The following EPHB1 variants were observed in gnomAD, a reference collection of about 807,000 sequenced individuals.
EPHB1 encodes EPH receptor B1.
In EPHB1, 30 loss-of-function variants were observed where a neutral mutation model predicts 94.4. The observed-to-expected ratio is 0.32, with a 90% CI of 0.24 to 0.43. EPHB1 has a LOEUF of 0.43. EPHB1 is among the 20% of genes least tolerant of loss of function. The pLI, the probability that EPHB1 is intolerant of heterozygous loss-of-function variation, is 1.00. For missense variants in EPHB1, 1,055 were observed against 1,308.3 expected (o/e 0.81, Z 2.99); for synonymous variants, 522 against 489.1 (o/e 1.07, Z -0.89).
At chr3:134,885,561 C>G (rs187086814) in intron 1 of EPHB1, among the ~76,000 whole-genome samples, 1 of 152,320 alleles carries the variant, frequency 6.6e-6, no homozygotes, top group Admixed American at 6.5e-5. Context: ...AGGCAACAGT[C>G]AGATAGTTTT....
At chr3:134,882,477 A>T (rs1019622932) in intron 1 of EPHB1, among the ~76,000 whole-genome samples, 5 of 152,216 alleles carry the variant, frequency 3.3e-5, no homozygotes, top group Non-Finnish European at 7.3e-5. Context: ...CATTGTATAT[A>T]AAAAAGAAAA....
Position 134,925,857 on chromosome 3 carries a change from T to A in EPHB1, c.100T>A (p.Trp34Arg). The part of the protein sequence containing the change: ...DTRTATAELG[W>R]TANPASGWEE... Reference sequence around the variant, plus strand: ...CAGAACGGCTACTGCAGAGCTGGGCTGGACGGCCAATCCTGCGTCCGGGGT... The same window carrying A: ...CAGAACGGCTACTGCAGAGCTGGGCAGGACGGCCAATCCTGCGTCCGGGGT... The change falls in exon 2 of 16, where the codon TGG becomes AGG. Residue 34 changes from tryptophan to arginine, a missense_variant. Coordinates refer to ENST00000398015, the MANE Select transcript of EPHB1 (RefSeq NM_004441.5). 6.2e-7 allele frequency: 1 copy of A among 1,605,744 alleles called. No homozygotes were observed. Among genetic ancestry groups the A allele is most frequent in the Non-Finnish European group, 8.5e-7 (1 of 1,175,922 alleles).
chr3:134,872,876 G>A (rs1279642457), intron 1 of EPHB1, among the ~76,000 whole-genome samples: 7 of 152,196 alleles, frequency 4.6e-5, no homozygotes, highest in Non-Finnish European at 7.3e-5. Context: ...CTAGTACGGA[G>A]CCTGGCATCC....
intron 3 of EPHB1, among the ~76,000 whole-genome samples, chr3:135,063,814 T>C (rs1444120812): frequency 6.6e-6 from 1 of 152,168 alleles, no homozygotes; most frequent in Non-Finnish European, 1.5e-5. Flanking sequence ...CACTATTATG[T>C]TGGCTGTGGG....
At chr3:135,215,584 G>A (rs1036859034) in intron 12 of EPHB1, among the ~76,000 whole-genome samples, 1 of 152,198 alleles carries the variant, frequency 6.6e-6, no homozygotes, top group Admixed American at 6.5e-5. Context: ...GCTGATATTC[G>A]CGAAGGAAAA....
At chr3:134,810,901 T>C (rs1303865319) in intron 1 of EPHB1, among the ~76,000 whole-genome samples, 1 of 152,194 alleles carries the variant, frequency 6.6e-6, no homozygotes, top group African/African-American at 2.4e-5. Flanking sequence ...GTACTGGTTC[T>C]CAGGGGTCCT....
chr3:134,807,494 AGTGTGT>A (rs151336394), intron 1 of EPHB1, among the ~76,000 whole-genome samples: 15,471 of 138,650 alleles, frequency 0.11, 971 homozygotes, highest in Middle Eastern at 0.19. Context: ...TTGGGGAAGG[AGTGTGT>A]GTGTGTGTGT....
rs1424213544 is a variant in EPHB1 at position 135,076,260 on chromosome 3, T to TATATATATATATATATATATAA, written c.806-30187_806-30186insTATATATATATATATATATAAA. Among the ~76,000 whole-genome samples, 304 of 104,208 alleles carry TATATATATATATATATATATAA rather than the reference T, an allele frequency of 2.9e-3. 11 individuals carry two copies. Among genetic ancestry groups the TATATATATATATATATATATAA allele is most frequent in the African/African-American group, 0.01 (281 of 27,526 alleles). The allele number at this position is 104,208 out of a possible 152,430, so 68.4% of individuals were successfully genotyped here. ...ATATATATATATATATATATATATATAACTCTTAAATGCATTAGTAAAAAG... is the reference window on the plus strand; with the variant it reads ...ATATATATATATATATATATATATATATATATATATATATATATATAAAACTCTTAAATGCATTAGTAAAAAG... On this transcript the variant is annotated intron_variant, in intron 3 of 15. Transcript: ENST00000398015.
At chr3:135,020,992 A>G (rs1935969120) in intron 3 of EPHB1, among the ~76,000 whole-genome samples, 1 of 152,098 alleles carries the variant, frequency 6.6e-6, no homozygotes, top group Admixed American at 6.6e-5. Flanking sequence ...TTAAGTTCTT[A>G]AATGTACTTG....
At chr3:135,181,471 T>C (rs1179322770) in intron 10 of EPHB1, among the ~76,000 whole-genome samples, 2 of 152,226 alleles carry the variant, frequency 1.3e-5, no homozygotes, top group African/African-American at 4.8e-5. Flanking sequence ...ATTGGATAAC[T>C]CTTAAGGGCT....
chr3:134,806,139 T>A (rs2036038486), intron 1 of EPHB1, among the ~76,000 whole-genome samples: 1 of 152,254 alleles, frequency 6.6e-6, no homozygotes, highest in African/African-American at 2.4e-5. Context: ...ACAAATATTT[T>A]ATACTCTTCC....
chr3:134,911,985 T>A (rs1041523536), intron 1 of EPHB1, among the ~76,000 whole-genome samples: 4 of 152,116 alleles, frequency 2.6e-5, no homozygotes, highest in Non-Finnish European at 4.4e-5. Context: ...GTGCCACAGA[T>A]CAATCAGGAC....
At chr3:134,819,668 C>T (rs925329050) in intron 1 of EPHB1, among the ~76,000 whole-genome samples, 2 of 152,190 alleles carry the variant, frequency 1.3e-5, no homozygotes, top group African/African-American at 2.4e-5. Flanking sequence ...AGTCCCTACC[C>T]TGCACATCCC....
intron 3 of EPHB1, among the ~76,000 whole-genome samples, chr3:135,034,895 G>A (rs992970470): frequency 6.6e-6 from 1 of 152,230 alleles, no homozygotes; most frequent in African/African-American, 2.4e-5. Flanking sequence ...TGAATAGGAT[G>A]CACAGCCAGA....
chr3:135,065,616 G>A (rs986776812), intron 3 of EPHB1, among the ~76,000 whole-genome samples: 4 of 152,170 alleles, frequency 2.6e-5, no homozygotes, highest in Non-Finnish European at 5.9e-5. Flanking sequence ...GCAGCAGATA[G>A]TTGGTTGTTG....
chr3:135,234,832 C>A (rs1467353662), intron 12 of EPHB1, among the ~76,000 whole-genome samples: 2 of 152,144 alleles, frequency 1.3e-5, no homozygotes, highest in Admixed American at 6.5e-5. Context: ...AGTAATCACC[C>A]TCATGATTAA....
intron 4 of EPHB1, among the ~76,000 whole-genome samples, chr3:135,128,563 A>T (rs777625686): frequency 6.6e-6 from 1 of 152,212 alleles, no homozygotes; most frequent in Non-Finnish European, 1.5e-5. Flanking sequence ...AGCGGGCCTC[A>T]TGGGAATAAG....
intron 1 of EPHB1, among the ~76,000 whole-genome samples, chr3:134,905,176 T>A (rs776803152): frequency 5.3e-5 from 8 of 152,216 alleles, no homozygotes; most frequent in Non-Finnish European, 1.0e-4. Flanking sequence ...TAGAATACTC[T>A]TGTAAGTTGC....
At chr3:134,810,896 G>T (rs983595461) in intron 1 of EPHB1, among the ~76,000 whole-genome samples, 2 of 152,128 alleles carry the variant, frequency 1.3e-5, no homozygotes, top group Non-Finnish European at 2.9e-5. Flanking sequence ...GCAGGGTACT[G>T]GTTCTCAGGG....
Sources: allele counts gnomAD v4.1 joint callset (sites outside exome capture counted in the v4.1 genomes callset), GRCh38; gene constraint gnomAD v4.1.1; transcripts MANE v1.5; gene names NCBI Gene and HGNC (gene_info 2026-07-23, HGNC 2026-07-21).